RERE: variants seen among roughly 807,000 people sequenced by gnomAD.
RERE encodes the protein arginine-glutamic acid dipeptide repeats.
In RERE, 40 loss-of-function variants were observed where a neutral mutation model predicts 146.1. The ratio of observed to expected loss-of-function variants is 0.27; its 90% confidence interval spans 0.21 to 0.36. RERE has a LOEUF of 0.36. RERE is among the 10% of genes least tolerant of loss of function. The pLI, the probability that RERE is intolerant of heterozygous loss-of-function variation, is 1.00. For synonymous variants in RERE, 1,003 were observed against 866.0 expected, an observed-to-expected ratio of 1.16 and a Z score of -2.78; for missense variants, 1,933 against 2,138.7, an observed-to-expected ratio of 0.90 and a Z score of 1.90.
At chr1:8,618,215 A>G (rs1374613560) in intron 3 of RERE, among the ~76,000 whole-genome samples, 2 of 152,232 alleles carry the variant, frequency 1.3e-5, no homozygotes, top group Non-Finnish European at 2.9e-5. Context: ...GTGTCATTCT[A>G]TGGGGCACTG....
chr1:8,561,258 G>A (rs1224235288), intron 4 of RERE, among the ~76,000 whole-genome samples: 1 of 152,156 alleles, frequency 6.6e-6, no homozygotes, highest in Non-Finnish European at 1.5e-5. Context: ...GCATTGTGCT[G>A]AAAAGACTTC....
intron 2 of RERE, among the ~76,000 whole-genome samples, chr1:8,635,878 T>C: frequency 6.6e-6 from 1 of 152,244 alleles, no homozygotes. Context: ...GTCCTTCCCT[T>C]GACAAGTTCA....
chr1:8,586,583 G>A (rs1335853862), intron 4 of RERE, among the ~76,000 whole-genome samples: 1 of 152,094 alleles, frequency 6.6e-6, no homozygotes, highest in Non-Finnish European at 1.5e-5. Flanking sequence ...TCAGGAGAAG[G>A]GAAGCGAATC....
intron 1 of RERE, among the ~76,000 whole-genome samples, chr1:8,673,348 G>A (rs191675210): frequency 9.7e-4 from 147 of 152,180 alleles, no homozygotes; most frequent in African/African-American, 3.4e-3. Flanking sequence ...CACCTGCCTC[G>A]GCCTCCCAAA....
At chr1:8,609,929 C>A (rs1046592625) in intron 4 of RERE, among the ~76,000 whole-genome samples, 11 of 152,018 alleles carry the variant, frequency 7.2e-5, no homozygotes, top group Non-Finnish European at 1.5e-4. Context: ...CCACCACACC[C>A]AGATAATTTT....
chr1:8,431,951 C>A (rs964031105), intron 11 of RERE, among the ~76,000 whole-genome samples: 1 of 152,126 alleles, frequency 6.6e-6, no homozygotes, highest in East Asian at 1.9e-4. Flanking sequence ...ATTCATTCTT[C>A]ACTTCATGGA....
intron 11 of RERE, among the ~76,000 whole-genome samples, chr1:8,427,263 C>T (rs301797): frequency 6.6e-6 from 1 of 151,992 alleles, no homozygotes; most frequent in African/African-American, 2.4e-5. Flanking sequence ...ACAGAGCTGA[C>T]CTCTTGCTCC....
chr1:8,482,659 G>GC (rs1644850266), intron 10 of RERE, among the ~76,000 whole-genome samples: 1 of 123,364 alleles, frequency 8.1e-6, no homozygotes, highest in Admixed American at 1.1e-4. Flanking sequence ...TCGAGCCTGG[G>GC]CAACAGAGTG....
intron 11 of RERE, among the ~76,000 whole-genome samples, chr1:8,433,261 T>A (rs1644119587): frequency 6.6e-6 from 1 of 152,154 alleles, no homozygotes; most frequent in South Asian, 2.1e-4. Context: ...AATGGAACAG[T>A]CGTAAAGCAG....
At chr1:8,810,442 T>C (rs1281395504) in intron 1 of RERE, among the ~76,000 whole-genome samples, 1 of 152,058 alleles carries the variant, frequency 6.6e-6, no homozygotes, top group Non-Finnish European at 1.5e-5. Flanking sequence ...TCTGTCTCTA[T>C]AAAAAATACA....
At chr1:8,711,907 AT>A (rs1486212610) in intron 1 of RERE, among the ~76,000 whole-genome samples, 1 of 152,228 alleles carries the variant, frequency 6.6e-6, no homozygotes, top group Admixed American at 6.5e-5. Flanking sequence ...CTCTAGTATT[AT>A]GCCGCCAATA....
At chr1:8,489,960 G>A (rs1359543572) in intron 10 of RERE, among the ~76,000 whole-genome samples, 1 of 151,578 alleles carries the variant, frequency 6.6e-6, no homozygotes, top group Non-Finnish European at 1.5e-5. Context: ...TGAGGCAGAA[G>A]AATGGCGTGA....
At chr1:8,510,399 G>C (rs1297649187) in intron 7 of RERE, among the ~76,000 whole-genome samples, 2 of 152,108 alleles carry the variant, frequency 1.3e-5, no homozygotes, top group African/African-American at 2.4e-5. Context: ...GGCGGTGACA[G>C]GGAAATGCTT....
chr1:8,788,262 G>C (rs1641294863), intron 1 of RERE, among the ~76,000 whole-genome samples: 1 of 151,530 alleles, frequency 6.6e-6, no homozygotes, highest in Admixed American at 6.6e-5. Flanking sequence ...ACCATGTTAT[G>C]TTAATGTGTT....
chr1:8,667,969 C>G (rs2124364408), intron 1 of RERE, among the ~76,000 whole-genome samples: 1 of 152,322 alleles, frequency 6.6e-6, no homozygotes, highest in East Asian at 1.9e-4. Flanking sequence ...CATACAGATT[C>G]TAACAACGCA....
chr1:8,373,199 A>C (rs988830694), intron 12 of RERE, among the ~76,000 whole-genome samples: 1 of 152,200 alleles, frequency 6.6e-6, no homozygotes, highest in Non-Finnish European at 1.5e-5. Context: ...ACACAAGATT[A>C]TCTGTTCCTA....
At chr1:8,497,253 C>T (rs900585233) in intron 9 of RERE, 152 bp downstream of exon 9, 32 of 637,124 alleles carry the variant, frequency 5.0e-5, no homozygotes, top group Non-Finnish European at 5.1e-5. Context: ...GTAAGAAGAG[C>T]CAGGGTCCCG....
intron 1 of RERE, among the ~76,000 whole-genome samples, chr1:8,784,606 C>T (rs1641228275): frequency 6.6e-6 from 1 of 152,082 alleles, no homozygotes; most frequent in Admixed American, 6.5e-5. Flanking sequence ...AAACAGAATT[C>T]ACAGTTTTTA....
chr1:8,434,470 T>C (rs994763933), intron 11 of RERE, among the ~76,000 whole-genome samples: 1 of 152,190 alleles, frequency 6.6e-6, no homozygotes, highest in African/African-American at 2.4e-5. Context: ...ACAAAATCTT[T>C]ACATTTGTGA....
Sources: gnomAD v4.1 joint callset for allele counts (sites outside exome capture counted in the v4.1 genomes callset) on GRCh38, gnomAD v4.1.1 for gene constraint, MANE v1.5 for transcripts, NCBI Gene and HGNC (gene_info 2026-07-23, HGNC 2026-07-21) for gene names.